IGSF21: variants seen among roughly 807,000 people sequenced by gnomAD.
IGSF21 encodes the protein immunoglobin superfamily member 21, also known as immunoglobulin superfamily member 21.
In IGSF21, 28 loss-of-function variants were observed where a neutral mutation model predicts 46.8. The observed-to-expected ratio is 0.60, with a 90% CI of 0.44 to 0.82. The LOEUF is 0.82. IGSF21 is among the 40% of genes least tolerant of loss of function. The pLI is 0.00. For missense variants in IGSF21, 624 were observed against 665.5 expected (o/e 0.94, Z 0.69); for synonymous variants, 284 against 273.6 (o/e 1.04, Z -0.38).
intron 8 of IGSF21, 89 bp from the exon 9 acceptor site, chr1:18,377,304 T>G (rs1006189148): frequency 1.3e-5 from 15 of 1,174,822 alleles, no homozygotes; most frequent in Non-Finnish European, 1.8e-5. Context: ...GTGTGATACC[T>G]CACAGCAGGT....
chr1:18,218,272 CTT>C (rs1338821054), intron 1 of IGSF21, among the ~76,000 whole-genome samples: 3 of 152,266 alleles, frequency 2.0e-5, no homozygotes, highest in Admixed American at 6.5e-5. Flanking sequence ...AAGCAGATCT[CTT>C]GAAAACTCAC....
chr1:18,240,206 A>G (rs1012116264), intron 2 of IGSF21, among the ~76,000 whole-genome samples: 2 of 152,200 alleles, frequency 1.3e-5, no homozygotes, highest in Non-Finnish European at 1.5e-5. Context: ...GATTGAGCCC[A>G]GGAGGTCAAA....
intron 1 of IGSF21, among the ~76,000 whole-genome samples, chr1:18,121,790 A>G (rs2086236197): frequency 6.6e-6 from 1 of 151,666 alleles, no homozygotes; most frequent in Non-Finnish European, 1.5e-5. Flanking sequence ...TTTCACCCAC[A>G]CCCCCATTGG....
chr1:18,373,233 T>C (rs1191800871), intron 6 of IGSF21, among the ~76,000 whole-genome samples: 18 of 152,204 alleles, frequency 1.2e-4, no homozygotes. Flanking sequence ...AGTAGAGGGC[T>C]AGGTGTCAAT....
chr1:18,264,280 C>T (rs1351500654), intron 2 of IGSF21, among the ~76,000 whole-genome samples: 1 of 152,194 alleles, frequency 6.6e-6, no homozygotes, highest in Non-Finnish European at 1.5e-5. Flanking sequence ...TTATGAACCA[C>T]TTTTAGCATG....
intron 5 of IGSF21, among the ~76,000 whole-genome samples, chr1:18,364,299 GA>G (rs907718919): frequency 2.0e-4 from 31 of 151,710 alleles, no homozygotes; most frequent in African/African-American, 5.3e-4. Flanking sequence ...ATAAATGGGG[GA>G]AAAAAAACCA....
intron 1 of IGSF21, among the ~76,000 whole-genome samples, chr1:18,137,087 C>CAT (rs1361604980): frequency 6.6e-6 from 1 of 152,078 alleles, no homozygotes; most frequent in African/African-American, 2.4e-5. Flanking sequence ...GTACAGGAAG[C>CAT]ATAGCACTGG....
At chr1:18,298,840 C>T (rs1483292218) in intron 3 of IGSF21, among the ~76,000 whole-genome samples, 3 of 152,240 alleles carry the variant, frequency 2.0e-5, no homozygotes, top group African/African-American at 7.2e-5. Flanking sequence ...CCTCTCCCTT[C>T]ACGCCCGTTG....
intron 1 of IGSF21, among the ~76,000 whole-genome samples, chr1:18,120,024 G>A (rs2086221180): frequency 6.6e-6 from 1 of 152,220 alleles, no homozygotes; most frequent in South Asian, 2.1e-4. Context: ...GCTTCTGGAG[G>A]CACCACCATT....
chr1:18,306,866 C>T (rs78960779), intron 3 of IGSF21, among the ~76,000 whole-genome samples: 2,208 of 152,326 alleles, frequency 0.014, 56 homozygotes, highest in African/African-American at 0.049. Flanking sequence ...CCTCGGTGCA[C>T]GATTGAGAGA....
chr1:18,366,780 C>G (rs1456078277), intron 6 of IGSF21, among the ~76,000 whole-genome samples: 1 of 152,182 alleles, frequency 6.6e-6, no homozygotes, highest in Non-Finnish European at 1.5e-5. Context: ...TAATCCATGT[C>G]CATGATCTGC....
intron 3 of IGSF21, among the ~76,000 whole-genome samples, chr1:18,301,194 C>T (rs1005296522): frequency 6.6e-6 from 1 of 152,212 alleles, no homozygotes; most frequent in Non-Finnish European, 1.5e-5. Flanking sequence ...TCAAGCAGGT[C>T]GTGCAGTGGG....
At chr1:18,198,417 G>C (rs1276722223) in intron 1 of IGSF21, among the ~76,000 whole-genome samples, 1 of 152,206 alleles carries the variant, frequency 6.6e-6, no homozygotes, top group Non-Finnish European at 1.5e-5. Flanking sequence ...GGGAGCAGCT[G>C]TCATTGTAAG....
chr1:18,372,006 A>C, intron 6 of IGSF21, among the ~76,000 whole-genome samples: 1 of 152,214 alleles, frequency 6.6e-6, no homozygotes, highest in East Asian at 1.9e-4. Flanking sequence ...TGGGAAATGC[A>C]GGTCCTTCAG....
intron 3 of IGSF21, among the ~76,000 whole-genome samples, chr1:18,297,709 C>T (rs2085324970): frequency 6.6e-6 from 1 of 152,156 alleles, no homozygotes; most frequent in African/African-American, 2.4e-5. Flanking sequence ...CACCTGGATC[C>T]TTTAAAGCAT....
chr1:18,376,672 AG>A, intron 7 of IGSF21, 127 bp from the exon 8 acceptor site: 1 of 849,230 alleles, frequency 1.2e-6, no homozygotes, highest in Admixed American at 2.5e-5. Context: ...CCTGGAGTTC[AG>A]GGCAGCCACT....
At chr1:18,328,886 C>A (rs919546421) in intron 3 of IGSF21, among the ~76,000 whole-genome samples, 1 of 152,152 alleles carries the variant, frequency 6.6e-6, no homozygotes, top group African/African-American at 2.4e-5. Flanking sequence ...GCTGTAAACT[C>A]GTGTGGGGCG....
At chr1:18,143,127 G>A (rs1271284695) in intron 1 of IGSF21, among the ~76,000 whole-genome samples, 8 of 152,204 alleles carry the variant, frequency 5.3e-5, no homozygotes, top group African/African-American at 1.7e-4. Flanking sequence ...CAAGGCTCCC[G>A]CAGATGAGTG....
rs2085783594 is a variant in IGSF21 at position 18,337,595 on chromosome 1, A to T, written c.424+2585A>T. 6.6e-6 allele frequency among the ~76,000 whole-genome samples: 1 copy of T among 152,004 alleles called. No individual in the cohort carries two copies. Among genetic ancestry groups the T allele is most frequent in the Non-Finnish European group, 1.5e-5 (1 of 68,012 alleles). On this transcript the variant is annotated intron_variant, in intron 4 of 9. Transcript: ENST00000251296. The surrounding 1 kb of genome is among the most constrained non-coding windows in gnomAD (Gnocchi z 5.7). Reference sequence around the variant, plus strand: ...AGCTTCACGCACCGTGGCAACCTGGAAGCCAGGGTGTGTCTCTGGGAGTGG... The same window carrying T: ...AGCTTCACGCACCGTGGCAACCTGGTAGCCAGGGTGTGTCTCTGGGAGTGG...
Sources: gnomAD v4.1 joint callset for allele counts (sites outside exome capture counted in the v4.1 genomes callset) on GRCh38, gnomAD v4.1.1 for gene constraint, Gnocchi (gnomAD v3.1) non-coding constraint, MANE v1.5 for transcripts, NCBI Gene and HGNC (gene_info 2026-07-23, HGNC 2026-07-21) for gene names.